Variants in TENM2 observed in about 807,000 individuals in gnomAD.
The protein encoded by TENM2 is teneurin transmembrane protein 2, also known as teneurin-2.
In TENM2, 52 loss-of-function variants were observed where a neutral mutation model predicts 245.2. The observed-to-expected ratio is 0.21, with a 90% CI of 0.17 to 0.27. The LOEUF (loss-of-function observed/expected upper bound fraction) is 0.27, where lower values mean the gene tolerates loss of function less well. Ranked by LOEUF, TENM2 falls within the 10% of genes least tolerant of loss-of-function variation. TENM2 has a pLI of 1.00. For synonymous variants in TENM2, 1,363 were observed against 1,438.9 expected (o/e 0.95, Z 1.19); for missense variants, 3,046 against 3,666.8 (o/e 0.83, Z 4.37).
intron 2 of TENM2, among the ~76,000 whole-genome samples, chr5:167,857,638 G>A (rs975655832): frequency 2.6e-5 from 4 of 152,114 alleles, no homozygotes; most frequent in Non-Finnish European, 4.4e-5. Context: ...TTTATCTTGA[G>A]AAAACCCAAT....
intron 2 of TENM2, among the ~76,000 whole-genome samples, chr5:167,763,423 G>A (rs1022854107): frequency 6.6e-6 from 1 of 152,164 alleles, no homozygotes; most frequent in Admixed American, 6.5e-5. Flanking sequence ...ATCAGCAAAT[G>A]TCAAATGTCC....
At chr5:167,402,261 T>G (rs1762404099) in intron 2 of TENM2, among the ~76,000 whole-genome samples, 1 of 152,136 alleles carries the variant, frequency 6.6e-6, no homozygotes, top group Admixed American at 6.5e-5. Flanking sequence ...TATAAGCTAA[T>G]GTATTATATG....
At chr5:167,988,310 C>T (rs946360797) in intron 4 of TENM2, among the ~76,000 whole-genome samples, 3 of 152,186 alleles carry the variant, frequency 2.0e-5, no homozygotes, top group Admixed American at 6.5e-5. Flanking sequence ...AGTTCCCCCA[C>T]TGTAAGCCAG....
chr5:167,709,688 C>T (rs1438504899), intron 2 of TENM2, among the ~76,000 whole-genome samples: 3 of 152,228 alleles, frequency 2.0e-5, no homozygotes, highest in African/African-American at 7.2e-5. Flanking sequence ...TTCAGACCCA[C>T]ATTCCTTGAC....
chr5:167,559,282 G>A (rs534469017), intron 2 of TENM2, among the ~76,000 whole-genome samples: 35 of 152,276 alleles, frequency 2.3e-4, no homozygotes, highest in African/African-American at 8.4e-4. Flanking sequence ...CCCCTGCAAT[G>A]TGGATGGAGA....
chr5:168,019,152 C>A (rs1785922936), intron 5 of TENM2, among the ~76,000 whole-genome samples: 1 of 152,078 alleles, frequency 6.6e-6, no homozygotes, highest in African/African-American at 2.4e-5. Context: ...TAGAATGCCA[C>A]GTATCATTAA....
intron 2 of TENM2, among the ~76,000 whole-genome samples, chr5:167,556,719 C>A (rs1364855595): frequency 6.6e-6 from 1 of 152,114 alleles, no homozygotes; most frequent in African/African-American, 2.4e-5. Context: ...CAGTCTGTGT[C>A]AATGCTTTTG....
intron 2 of TENM2, among the ~76,000 whole-genome samples, chr5:167,832,806 A>G (rs1768623015): frequency 6.6e-6 from 1 of 152,226 alleles, no homozygotes; most frequent in Non-Finnish European, 1.5e-5. Context: ...AGCTTGTACT[A>G]GCTTGTAAAG....
chr5:167,341,900 C>T (rs1758123014), intron 1 of TENM2, among the ~76,000 whole-genome samples: 1 of 152,004 alleles, frequency 6.6e-6, no homozygotes, highest in African/African-American at 2.4e-5. Flanking sequence ...ATTCATCTCC[C>T]CAAATACTCA....
chr5:168,024,422 A>G (rs1412342879), intron 5 of TENM2, among the ~76,000 whole-genome samples: 1 of 152,230 alleles, frequency 6.6e-6, no homozygotes, highest in East Asian at 1.9e-4. Flanking sequence ...CGAAATCTCA[A>G]TAATAACTTT....
intron 2 of TENM2, among the ~76,000 whole-genome samples, chr5:167,432,244 A>G (rs1326671242): frequency 6.6e-6 from 1 of 151,680 alleles, no homozygotes; most frequent in African/African-American, 2.4e-5. Context: ...AATCTGAATT[A>G]CCAGCATCTG....
At chr5:167,698,136 T>G (rs1414930867) in intron 2 of TENM2, among the ~76,000 whole-genome samples, 1 of 152,204 alleles carries the variant, frequency 6.6e-6, no homozygotes, top group Admixed American at 6.5e-5. Flanking sequence ...TGATTACCCT[T>G]AACAGGCAGC....
At chr5:167,850,179 A>G (rs891464178) in intron 2 of TENM2, among the ~76,000 whole-genome samples, 2 of 152,326 alleles carry the variant, frequency 1.3e-5, no homozygotes, top group Non-Finnish European at 2.9e-5. Flanking sequence ...AAAGACATTC[A>G]TATCTCCAGA....
At chr5:167,012,687 T>A in the TENM2 span, among the ~76,000 whole-genome samples, 3 of 152,058 alleles carry the variant, frequency 2.0e-5, no homozygotes, top group Admixed American at 6.6e-5. Flanking sequence ...CAAAGGGAGA[T>A]GTAGGGGTTG....
chr5:167,324,086 C>T (rs1200142308), intron 1 of TENM2, among the ~76,000 whole-genome samples: 1 of 152,300 alleles, frequency 6.6e-6, no homozygotes, highest in African/African-American at 2.4e-5. Flanking sequence ...AACTGTTCCT[C>T]ATGGTGAAGT....
chr5:168,012,787 A>C (rs983113525), intron 5 of TENM2, among the ~76,000 whole-genome samples: 6 of 151,444 alleles, frequency 4.0e-5, no homozygotes, highest in African/African-American at 1.2e-4. Context: ...AAAAAAAAAA[A>C]AAAAAAAAAA....
intron 27 of TENM2, among the ~76,000 whole-genome samples, chr5:168,254,681 C>G (rs1767485428): frequency 6.6e-6 from 1 of 152,116 alleles, no homozygotes; most frequent in Admixed American, 6.5e-5. Context: ...TTCACCTCCT[C>G]AAGGGATCCT....
the TENM2 span, among the ~76,000 whole-genome samples, chr5:167,221,463 C>G: frequency 2.6e-5 from 4 of 152,266 alleles, 1 homozygote; most frequent in South Asian, 8.3e-4. Flanking sequence ...AAAATGAGGT[C>G]TCCTATGTGT....
intron 25 of TENM2, among the ~76,000 whole-genome samples, chr5:168,242,783 T>C (rs1766215884): frequency 6.6e-6 from 1 of 152,016 alleles, no homozygotes; most frequent in African/African-American, 2.4e-5. Context: ...TGAAACCTCG[T>C]CTCTACTAAA....
Sources: gnomAD v4.1 joint callset for allele counts (sites outside exome capture counted in the v4.1 genomes callset) on GRCh38, gnomAD v4.1.1 for gene constraint, MANE v1.5 for transcripts, NCBI Gene and HGNC (gene_info 2026-07-23, HGNC 2026-07-21) for gene names.